Variants in KCNMB4 observed in about 807,000 individuals in gnomAD.
KCNMB4 encodes calcium-activated potassium channel subunit beta-4.
KCNMB4 carries 3 observed loss-of-function variants against 20.7 expected under a neutral mutation model. That is an observed-to-expected ratio of 0.14 (90% CI 0.07 to 0.37). KCNMB4 has a LOEUF of 0.37. Ranked by LOEUF, KCNMB4 falls within the 10% of genes least tolerant of loss-of-function variation. KCNMB4 has a pLI of 1.00. For missense variants in KCNMB4, 168 were observed against 265.9 expected, an observed-to-expected ratio of 0.63 and a Z score of 2.56; for synonymous variants, 110 against 113.4, an observed-to-expected ratio of 0.97 and a Z score of 0.19.
chr12:70,400,634 C>T (rs1868424770), intron 2 of KCNMB4, among the ~76,000 whole-genome samples: 1 of 152,154 alleles, frequency 6.6e-6, no homozygotes. Flanking sequence ...GATTTGCCAG[C>T]ACTTTTAGAC....
chr12:70,399,008 G>C (rs1293068233), intron 1 of KCNMB4, among the ~76,000 whole-genome samples: 2 of 152,328 alleles, frequency 1.3e-5, no homozygotes, highest in East Asian at 3.9e-4. Context: ...ATTAAAAGGA[G>C]AGAGAACAGC....
At chr12:70,426,909 C>T (rs1389549495) in intron 2 of KCNMB4, among the ~76,000 whole-genome samples, 1 of 152,174 alleles carries the variant, frequency 6.6e-6, no homozygotes, top group Admixed American at 6.5e-5. Context: ...ACAGTATTTA[C>T]TCTTCTTTTG....
At chr12:70,404,370 A>G (rs1868538098) in intron 2 of KCNMB4, among the ~76,000 whole-genome samples, 1 of 152,188 alleles carries the variant, frequency 6.6e-6, no homozygotes, top group Non-Finnish European at 1.5e-5. Context: ...GAGAGTACTG[A>G]GTGAAAAACA....
intron 2 of KCNMB4, among the ~76,000 whole-genome samples, chr12:70,421,017 A>C (rs369660938): frequency 6.7e-6 from 1 of 149,576 alleles, no homozygotes; most frequent in South Asian, 2.1e-4. Context: ...GCGCCACTGC[A>C]CTCCAGCCTG....
chr12:70,427,932 T>C (rs1448927048), intron 2 of KCNMB4, among the ~76,000 whole-genome samples: 1 of 152,226 alleles, frequency 6.6e-6, no homozygotes, highest in African/African-American at 2.4e-5. Flanking sequence ...ATATTACTTA[T>C]GGAAATTACA....
At chr12:70,402,315 A>G (rs987008934) in intron 2 of KCNMB4, among the ~76,000 whole-genome samples, 9 of 152,054 alleles carry the variant, frequency 5.9e-5, no homozygotes, top group Non-Finnish European at 1.3e-4. Flanking sequence ...TCAAAGCATC[A>G]TAAAGAAATT....
Position 70,430,779 on chromosome 12 carries a change from T to C in KCNMB4, c.*126T>C, listed in dbSNP as rs1869345159. On this transcript the variant is annotated 3_prime_UTR_variant, in exon 3 of 3. Transcript: ENST00000258111. ...CCACGACAGGGCTCTGAGAGGCTCA[T>C]CCCTCAGTGGCAACAGAAACAGGCA... is the stretch of plus-strand genomic sequence containing the variant. The C allele has an allele frequency of 1.1e-6, 1 of 874,658 alleles. No homozygotes were observed. The highest frequency in any genetic ancestry group is 1.6e-6 in the Non-Finnish European group (1 of 616,542). The allele number at this position is 874,658 out of a possible 1,614,324, so 54.2% of individuals were successfully genotyped here.
At chr12:70,412,318 G>A (rs1486067694) in intron 2 of KCNMB4, among the ~76,000 whole-genome samples, 7 of 151,302 alleles carry the variant, frequency 4.6e-5, no homozygotes, top group Non-Finnish European at 7.4e-5. Context: ...ACAGGAGAGT[G>A]GACATCTACA....
chr12:70,397,721 C>T (rs780309446), intron 1 of KCNMB4, among the ~76,000 whole-genome samples: 2 of 152,142 alleles, frequency 1.3e-5, no homozygotes, highest in Non-Finnish European at 2.9e-5. Flanking sequence ...ACCCATTTCT[C>T]CCCAAAAAAC....
chr12:70,407,393 G>A (rs1469051112), intron 2 of KCNMB4, among the ~76,000 whole-genome samples: 1 of 149,600 alleles, frequency 6.7e-6, no homozygotes, highest in Non-Finnish European at 1.5e-5. Flanking sequence ...GCCCTTGGTG[G>A]TTGAGTTGAT....
rs942315549 is a variant in KCNMB4, at chr12:70,432,337, T to C, written c.*1684T>C. The C allele has an allele frequency of 1.3e-5, 2 of 152,358 alleles. 1 individual carries two copies. The highest frequency in any genetic ancestry group is 2.9e-5 in the Non-Finnish European group (2 of 68,046). 9.4% of individuals were successfully genotyped at this position (152,358 alleles called of 1,614,324 possible). On this transcript the variant is annotated 3_prime_UTR_variant, in exon 3 of 3. Transcript: ENST00000258111. ...TGTTTTCTTAATCTTAGAATGTGAA[T>C]AACTGAAAATCATAGTCTGTGGAAA...
chr12:70,377,841 T>C (rs905759299), intron 1 of KCNMB4, among the ~76,000 whole-genome samples: 1 of 152,218 alleles, frequency 6.6e-6, no homozygotes, highest in Non-Finnish European at 1.5e-5. Context: ...CCACTTTCTT[T>C]GCTCATCCAA....
At chr12:70,395,197 A>G (rs946641019) in intron 1 of KCNMB4, among the ~76,000 whole-genome samples, 2 of 148,498 alleles carry the variant, frequency 1.3e-5, no homozygotes, top group African/African-American at 2.6e-5. Flanking sequence ...AAATCATTTA[A>G]TCAGCTGCAT....
At chr12:70,373,389 T>G (rs1593320250) in intron 1 of KCNMB4, among the ~76,000 whole-genome samples, 1 of 152,058 alleles carries the variant, frequency 6.6e-6, no homozygotes. Flanking sequence ...TTGAGAAAGA[T>G]CCAACCAGCC....
intron 1 of KCNMB4, among the ~76,000 whole-genome samples, chr12:70,386,569 T>C (rs1315780249): frequency 6.6e-6 from 1 of 150,758 alleles, no homozygotes; most frequent in African/African-American, 2.4e-5. Context: ...AAAAGTTTAA[T>C]TGTAGCCTTT....
chr12:70,394,937 G>C (rs1868338250), intron 1 of KCNMB4, among the ~76,000 whole-genome samples: 1 of 152,120 alleles, frequency 6.6e-6, no homozygotes, highest in African/African-American at 2.4e-5. Flanking sequence ...AACATGTTGG[G>C]ATTACAGGCT....
intron 1 of KCNMB4, among the ~76,000 whole-genome samples, chr12:70,374,450 T>C (rs1363871279): frequency 6.6e-6 from 1 of 152,230 alleles, no homozygotes; most frequent in Non-Finnish European, 1.5e-5. Flanking sequence ...GAATAGTTTT[T>C]AACATTGCAT....
intron 1 of KCNMB4, among the ~76,000 whole-genome samples, chr12:70,393,253 A>T (rs1037170268): frequency 6.6e-6 from 1 of 152,150 alleles, no homozygotes; most frequent in Admixed American, 6.5e-5. Context: ...CCCAGACTGG[A>T]GTGCAGTGGC....
chr12:70,428,285 C>T (rs776608243), intron 2 of KCNMB4, among the ~76,000 whole-genome samples: 8 of 152,208 alleles, frequency 5.3e-5, no homozygotes, highest in Non-Finnish European at 1.2e-4. Flanking sequence ...TGAGCCACTA[C>T]GCCCAGCCAT....
Sources: allele counts gnomAD v4.1 joint callset (sites outside exome capture counted in the v4.1 genomes callset), GRCh38; gene constraint gnomAD v4.1.1; transcripts MANE v1.5; gene names NCBI Gene and HGNC (gene_info 2026-07-23, HGNC 2026-07-21).